Variants in LGALS9 observed in about 807,000 individuals in gnomAD.
LGALS9 encodes the protein galectin-9.
In LGALS9, 26 loss-of-function variants were observed where a neutral mutation model predicts 35.9. That is an observed-to-expected ratio of 0.72 (90% CI 0.53 to 1.01). LGALS9 has a LOEUF of 1.01. Ranked by LOEUF, LGALS9 falls within the 50% of genes least tolerant of loss-of-function variation. The pLI, the probability that LGALS9 is intolerant of heterozygous loss-of-function variation, is 0.00. For missense variants in LGALS9, 347 were observed against 445.8 expected, an observed-to-expected ratio of 0.78 and a Z score of 1.99; for synonymous variants, 149 against 172.2, an observed-to-expected ratio of 0.87 and a Z score of 1.06.
chr17:27,636,260 C>T (rs914300775), intron 1 of LGALS9, among the ~76,000 whole-genome samples: 9 of 152,170 alleles, frequency 5.9e-5, no homozygotes, highest in Non-Finnish European at 7.3e-5. Flanking sequence ...TTTCTTTTAA[C>T]GTTTTATTAT....
chr17:27,637,753 C>T (rs12449977), intron 1 of LGALS9, among the ~76,000 whole-genome samples: 34,135 of 152,146 alleles, frequency 0.22, 3,922 homozygotes, highest in Admixed American at 0.29. Flanking sequence ...TCTTAACCTC[C>T]TCGGGTGAGT....
chr17:27,642,960 C>G (rs1479148588), intron 4 of LGALS9, among the ~76,000 whole-genome samples: 1 of 152,154 alleles, frequency 6.6e-6, no homozygotes, highest in East Asian at 1.9e-4. Flanking sequence ...CCTGGCTACT[C>G]AAGAGGCTGA....
At chr17:27,641,659 TTG>T (rs1904508992) in intron 3 of LGALS9, among the ~76,000 whole-genome samples, 1 of 152,084 alleles carries the variant, frequency 6.6e-6, no homozygotes, top group African/African-American at 2.4e-5. Flanking sequence ...CATCCTGTAC[TTG>T]CACCCTGGAA....
Position 27,647,395 on chromosome 17 carries a change from C to T in LGALS9, c.884C>T (p.Pro295Leu). The T allele has an allele frequency of 6.2e-7, 1 of 1,614,086 alleles. No individual in the cohort carries two copies. Among genetic ancestry groups the T allele is most frequent in the South Asian group, 1.1e-5 (1 of 91,082 alleles). The change falls in exon 10 of 11, where the codon CCC becomes CTC. Residue 295 changes from proline (P) to leucine (L), a missense_variant. Physicochemically the swap from Pro to Leu is moderately conservative, Grantham distance 98. Coordinates refer to ENST00000395473, the MANE Select transcript of LGALS9 (RefSeq NM_009587.3). ...NSWGSEERSL[P>L]RKMPFVRGQS... ...TGGGGGTCTGAGGAGCGAAGTCTGC[C>T]CCGAAAAATGCCCTTCGTCCGTGGC... is the stretch of plus-strand genomic sequence containing the variant.
chr17:27,636,076 A>T (rs551115906), intron 1 of LGALS9, among the ~76,000 whole-genome samples: 9 of 152,282 alleles, frequency 5.9e-5, no homozygotes, highest in South Asian at 2.1e-4. Flanking sequence ...GCAGAGTCTA[A>T]CTGAATCAGA....
At chr17:27,633,107 C>T (rs2074408353) in intron 1 of LGALS9, among the ~76,000 whole-genome samples, 1 of 152,236 alleles carries the variant, frequency 6.6e-6, no homozygotes, top group South Asian at 2.1e-4. Context: ...TCAGCTTACT[C>T]ATGAGAGGAA....
chr17:27,646,180 G>T (rs1258037495), intron 7 of LGALS9, among the ~76,000 whole-genome samples: 1 of 152,128 alleles, frequency 6.6e-6, no homozygotes, highest in Admixed American at 6.5e-5. Context: ...ACCAAGTGGG[G>T]AGTACAGTGG....
chr17:27,647,184 C>G lies in LGALS9; in HGVS notation c.758+66C>G, dbSNP rs996023673. 3.7e-6 allele frequency: 6 copies of G among 1,613,810 alleles called. No homozygotes were observed. In the African/African-American group the frequency reaches 6.7e-5, roughly 18 times the overall value. On this transcript the variant is annotated intron_variant, in intron 9 of 10. Transcript: ENST00000395473. Reference sequence around the variant, plus strand: ...CTTCAAGGTCAGTCCAGCCATTCCCCTGGCTTCAGGAAGGCTACTGATGAT... The same window carrying G: ...CTTCAAGGTCAGTCCAGCCATTCCCGTGGCTTCAGGAAGGCTACTGATGAT...
chr17:27,641,072 A>G (rs893869349), intron 3 of LGALS9: 3 of 598,254 alleles, frequency 5.0e-6, no homozygotes, highest in Admixed American at 2.2e-5. Flanking sequence ...TTCCTCTGCT[A>G]TAGCCATTCC....
rs1799474788 is a variant in LGALS9, at chr17:27,647,352, A to G, written c.841A>G (p.Thr281Ala). 1 of 1,614,120 alleles carries G rather than the reference A, an allele frequency of 6.2e-7. No homozygotes were observed. ...RFDENAVVRN[T>A]QIDNSWGSEE... is the part of the protein sequence containing the mutation. ...TGATGAGAATGCTGTGGTCCGCAAC[A>G]CCCAGATCGACAACTCCTGGGGGTC... The change falls in exon 10 of 11, where the codon ACC (threonine) becomes GCC (alanine). Residue 281 changes from threonine (T) to alanine (A), a missense_variant. Transcript: ENST00000395473.
At chr17:27,647,472 G>T (rs752013771) in intron 10 of LGALS9, 40 bp downstream of exon 10, 2 of 1,611,954 alleles carry the variant, frequency 1.2e-6, no homozygotes, top group East Asian at 2.2e-5. Flanking sequence ...GGCTCCCATG[G>T]GTGCACAGGG....
In LGALS9 at chr17:27,649,161, C is replaced by A; in HGVS notation, c.*179C>A. 1 of 990,662 alleles carries A rather than the reference C, an allele frequency of 1.0e-6. No homozygotes were observed. Among genetic ancestry groups the A allele is most frequent in the Non-Finnish European group, 1.5e-6 (1 of 676,146 alleles). 61.4% of individuals were successfully genotyped at this position (990,662 alleles called of 1,614,324 possible). A position where few individuals can be genotyped will look rare whatever the true frequency, so the allele number is the denominator to read the frequency against. ...AGCCACCCTGGAACGGAGAAGGCAGCTGACGGGGATTGCCTTCCTCAGCCG... is the reference window on the plus strand; with the variant it reads ...AGCCACCCTGGAACGGAGAAGGCAGATGACGGGGATTGCCTTCCTCAGCCG... On this transcript the variant is annotated 3_prime_UTR_variant, in exon 11 of 11. Coordinates refer to ENST00000395473, the MANE Select transcript of LGALS9 (RefSeq NM_009587.3).
chr17:27,649,164 A>G lies in LGALS9; in HGVS notation c.*182A>G. The G allele has an allele frequency of 1.0e-6, 1 of 962,822 alleles. No individual in the cohort carries two copies. The highest frequency in any genetic ancestry group is 1.7e-5 in the South Asian group (1 of 59,016). The allele number at this position is 962,822 out of a possible 1,614,324, so 59.6% of individuals were successfully genotyped here. On this transcript the variant is annotated 3_prime_UTR_variant, in exon 11 of 11. Transcript: ENST00000395473. ...CACCCTGGAACGGAGAAGGCAGCTGACGGGGATTGCCTTCCTCAGCCGCAG... is the reference window on the plus strand; with the variant it reads ...CACCCTGGAACGGAGAAGGCAGCTGGCGGGGATTGCCTTCCTCAGCCGCAG...
rs757734354 is a variant in LGALS9, at chr17:27,648,831, C to G, written c.922-5C>G. Reference sequence around the variant, plus strand: ...TGTAGTGCAAACGGCATGATCTCTGCACAGGTGTGGATCTTGTGTGAAGCT... The same window carrying G: ...TGTAGTGCAAACGGCATGATCTCTGGACAGGTGTGGATCTTGTGTGAAGCT... On this transcript the variant is annotated splice_polypyrimidine_tract_variant and splice_region_variant and intron_variant, in intron 10 of 10. Coordinates refer to ENST00000395473, the MANE Select transcript of LGALS9 (RefSeq NM_009587.3). The G allele has an allele frequency of 6.2e-7, 1 of 1,613,592 alleles. No individual in the cohort carries two copies. The highest frequency in any genetic ancestry group is 1.1e-5 in the South Asian group (1 of 91,054).
At chr17:27,641,212 T>C (rs111970274) in intron 3 of LGALS9, among the ~76,000 whole-genome samples, 113 of 152,168 alleles carry the variant, frequency 7.4e-4, no homozygotes, top group Non-Finnish European at 8.1e-4. Context: ...GTCTCTGGGC[T>C]TGAGAAGCCT....
chr17:27,637,012 T>A (rs1258542553), intron 1 of LGALS9, among the ~76,000 whole-genome samples: 3 of 152,010 alleles, frequency 2.0e-5, no homozygotes, highest in Non-Finnish European at 4.4e-5. Flanking sequence ...CCCATACACA[T>A]CACCTGCCTG....
At chr17:27,642,889 G>C (rs538561257) in intron 4 of LGALS9, among the ~76,000 whole-genome samples, 96 of 152,272 alleles carry the variant, frequency 6.3e-4, no homozygotes, top group Middle Eastern at 3.4e-3. Context: ...TAACAACTTT[G>C]AATGTGTTGC....
At chr17:27,648,171 T>A (rs1905079490) in intron 10 of LGALS9, among the ~76,000 whole-genome samples, 1 of 152,252 alleles carries the variant, frequency 6.6e-6, no homozygotes, top group African/African-American at 2.4e-5. Context: ...TGAAAATGAC[T>A]GATGTAGGGC....
intron 2 of LGALS9, chr17:27,638,860 C>T (rs2074484493): frequency 4.4e-6 from 1 of 229,266 alleles, no homozygotes; most frequent in Non-Finnish European, 8.7e-6. Flanking sequence ...CCCCTCCTCC[C>T]TCCCAAGGTG....
Sources: allele counts gnomAD v4.1 joint callset (sites outside exome capture counted in the v4.1 genomes callset), GRCh38; gene constraint gnomAD v4.1.1; transcripts MANE v1.5; gene names NCBI Gene and HGNC (gene_info 2026-07-23, HGNC 2026-07-21).